Variants in NLGN1 observed in about 807,000 individuals in gnomAD.
The protein encoded by NLGN1 is neuroligin-1.
NLGN1 carries 12 observed loss-of-function variants against 65.5 expected under a neutral mutation model. That is an observed-to-expected ratio of 0.18 (90% CI 0.12 to 0.30). The LOEUF (loss-of-function observed/expected upper bound fraction) is 0.30. NLGN1 is among the 10% of genes least tolerant of loss of function. The pLI is 1.00. For missense variants in NLGN1, 750 were observed against 1,007.1 expected (o/e 0.74, Z 3.46); for synonymous variants, 350 against 359.5 (o/e 0.97, Z 0.30).
chr3:174,035,428 T>G (rs1184514804), intron 4 of NLGN1, among the ~76,000 whole-genome samples: 1 of 152,322 alleles, frequency 6.6e-6, no homozygotes, highest in Admixed American at 6.5e-5. Flanking sequence ...CAGTAGAACC[T>G]TGTACACCAG....
intron 4 of NLGN1, among the ~76,000 whole-genome samples, chr3:174,107,015 C>CAGAGAGAGAG (rs1349226673): frequency 6.6e-4 from 43 of 65,474 alleles, no homozygotes; most frequent in South Asian, 4.7e-3. Context: ...CACACACACA[C>CAGAGAGAGAG]ACAGAGAGAG....
At chr3:173,803,657 T>G (rs2150422837) in intron 3 of NLGN1, among the ~76,000 whole-genome samples, 1 of 151,852 alleles carries the variant, frequency 6.6e-6, no homozygotes, top group East Asian at 1.9e-4. Context: ...CAAGACAATT[T>G]TTTGTAGATT....
chr3:173,535,838 G>C (rs1167106549), intron 2 of NLGN1, among the ~76,000 whole-genome samples: 1 of 152,140 alleles, frequency 6.6e-6, no homozygotes, highest in African/African-American at 2.4e-5. Flanking sequence ...TTCGAAATAA[G>C]GCACATGATT....
chr3:173,818,403 A>G (rs1172660348), intron 4 of NLGN1, among the ~76,000 whole-genome samples: 1 of 152,214 alleles, frequency 6.6e-6, no homozygotes, highest in African/African-American at 2.4e-5. Flanking sequence ...GCATGCATTT[A>G]CAAAATTAAA....
intron 4 of NLGN1, among the ~76,000 whole-genome samples, chr3:174,038,425 G>A (rs1240194144): frequency 6.6e-6 from 1 of 152,114 alleles, no homozygotes; most frequent in Non-Finnish European, 1.5e-5. Context: ...TGCCCTTCTT[G>A]TGATGTGGGA....
At chr3:173,892,255 T>G (rs921014589) in intron 4 of NLGN1, among the ~76,000 whole-genome samples, 15 of 151,658 alleles carry the variant, frequency 9.9e-5, no homozygotes, top group African/African-American at 3.6e-4. Context: ...CTGTGAAAAC[T>G]TATTACTTTA....
At chr3:173,943,929 A>T (rs1453205565) in intron 4 of NLGN1, among the ~76,000 whole-genome samples, 2 of 152,202 alleles carry the variant, frequency 1.3e-5, no homozygotes. Flanking sequence ...ATTTCCCAAC[A>T]TCATTAGTAA....
At chr3:173,837,957 G>C (rs193037531) in intron 4 of NLGN1, among the ~76,000 whole-genome samples, 2 of 152,062 alleles carry the variant, frequency 1.3e-5, no homozygotes, top group Non-Finnish European at 2.9e-5. Flanking sequence ...ATATAAACTT[G>C]TATGTTTGAA....
At chr3:174,253,190 GAA>G (rs10576184) in intron 4 of NLGN1, among the ~76,000 whole-genome samples, 32,043 of 150,294 alleles carry the variant, frequency 0.21, 3,645 homozygotes, top group East Asian at 0.49. Flanking sequence ...CAATGTAAAA[GAA>G]AAAAAAATGA....
At chr3:173,607,114 TGAGA>T (rs1751518051) in intron 3 of NLGN1, among the ~76,000 whole-genome samples, 1 of 151,920 alleles carries the variant, frequency 6.6e-6, no homozygotes, top group Non-Finnish European at 1.5e-5. Context: ...AGCTAGTGAG[TGAGA>T]AAGTGACCTT....
chr3:174,079,385 AAAC>A (rs143227862), intron 4 of NLGN1, among the ~76,000 whole-genome samples: 1,989 of 152,270 alleles, frequency 0.013, 35 homozygotes, highest in African/African-American at 0.044. Context: ...TAAAAGTCAA[AAAC>A]AACAGATGCT....
chr3:173,789,541 T>C (rs1280713894), intron 3 of NLGN1, among the ~76,000 whole-genome samples: 1 of 152,176 alleles, frequency 6.6e-6, no homozygotes, highest in Non-Finnish European at 1.5e-5. Flanking sequence ...GGCTCAGAGA[T>C]AGAAAATGTC....
At chr3:173,886,290 G>T (rs1734317873) in intron 4 of NLGN1, among the ~76,000 whole-genome samples, 2 of 152,100 alleles carry the variant, frequency 1.3e-5, no homozygotes, top group South Asian at 4.1e-4. Context: ...TTTGCATTAT[G>T]AAGAAGAGAC....
At chr3:173,404,999 C>T (rs2148621036) in intron 1 of NLGN1, among the ~76,000 whole-genome samples, 1 of 152,112 alleles carries the variant, frequency 6.6e-6, no homozygotes, top group African/African-American at 2.4e-5. Context: ...AGATTTTTAA[C>T]ATATATCCAT....
chr3:173,785,210 A>T (rs1781766219), intron 3 of NLGN1, among the ~76,000 whole-genome samples: 1 of 152,172 alleles, frequency 6.6e-6, no homozygotes, highest in African/African-American at 2.4e-5. Context: ...CAGGCCACAG[A>T]TGGCGCCATC....
At chr3:173,751,700 A>G (rs1776315668) in intron 3 of NLGN1, among the ~76,000 whole-genome samples, 1 of 152,074 alleles carries the variant, frequency 6.6e-6, no homozygotes, top group African/African-American at 2.4e-5. Flanking sequence ...AAACAGAATA[A>G]CAGCACAGCA....
At chr3:174,047,079 A>G (rs1302032288) in intron 4 of NLGN1, among the ~76,000 whole-genome samples, 3 of 151,994 alleles carry the variant, frequency 2.0e-5, no homozygotes, top group African/African-American at 7.2e-5. Flanking sequence ...TCTCTGCCTT[A>G]AGTTGCTATG....
At chr3:173,617,558 C>G (rs190091632) in intron 3 of NLGN1, among the ~76,000 whole-genome samples, 27 of 152,264 alleles carry the variant, frequency 1.8e-4, no homozygotes, top group Admixed American at 1.8e-3. Flanking sequence ...GCGCAGTGCT[C>G]CCCAAATGAA....
intron 4 of NLGN1, among the ~76,000 whole-genome samples, chr3:174,040,094 C>G (rs9290489): frequency 0.24 from 35,817 of 152,110 alleles, 6,413 homozygotes; most frequent in African/African-American, 0.51. Context: ...ATTTGGCTCC[C>G]CACTATTGAT....
Sources: gnomAD v4.1 joint callset for allele counts (sites outside exome capture counted in the v4.1 genomes callset) on GRCh38, gnomAD v4.1.1 for gene constraint, MANE v1.5 for transcripts, NCBI Gene and HGNC (gene_info 2026-07-23, HGNC 2026-07-21) for gene names.